Variants in FAM78B observed in about 807,000 individuals in gnomAD.
The protein encoded by FAM78B is family with sequence similarity 78 member B, also known as protein FAM78B.
In FAM78B, 10 loss-of-function variants were observed where a neutral mutation model predicts 20.0. That is an observed-to-expected ratio of 0.50 (90% CI 0.31 to 0.85). The LOEUF (loss-of-function observed/expected upper bound fraction) is 0.85, where lower values mean the gene tolerates loss of function less well. Ranked by LOEUF, FAM78B falls within the 40% of genes least tolerant of loss-of-function variation. The pLI is 0.05. For missense variants in FAM78B, 283 were observed against 345.0 expected, an observed-to-expected ratio of 0.82 and a Z score of 1.42; for synonymous variants, 135 against 132.8, an observed-to-expected ratio of 1.02 and a Z score of -0.12.
intron 1 of FAM78B, among the ~76,000 whole-genome samples, chr1:166,077,662 A>ATATAATTATATATTTATATATAAATT (rs1652333515): frequency 3.9e-5 from 3 of 77,200 alleles, no homozygotes; most frequent in African/African-American, 1.9e-4. Context: ...AATTATAATA[A>ATATAATTATATATTTATATATAAATT]ATACATATAA....
intron 1 of FAM78B, among the ~76,000 whole-genome samples, chr1:166,161,959 G>A (rs1357402771): frequency 6.6e-6 from 1 of 152,150 alleles, no homozygotes; most frequent in African/African-American, 2.4e-5. Context: ...CATTAGGATG[G>A]ATGAAATTAC....
At chr1:166,144,990 C>A (rs555629281) in intron 1 of FAM78B, among the ~76,000 whole-genome samples, 57 of 152,270 alleles carry the variant, frequency 3.7e-4, no homozygotes, top group Non-Finnish European at 3.1e-4. Context: ...CTCACCACCA[C>A]CTACCAGACT....
intron 1 of FAM78B, among the ~76,000 whole-genome samples, chr1:166,097,516 G>A (rs748254039): frequency 2.6e-5 from 4 of 152,120 alleles, no homozygotes; most frequent in African/African-American, 4.8e-5. Flanking sequence ...GGACTGTTGC[G>A]GGGAGCATGG....
In FAM78B at chr1:166,109,824, A is replaced by ATATG. The variant is rs1557903052; in HGVS notation, c.264-39062_264-39061insCATA. Among the ~76,000 whole-genome samples, 8 of 20,000 alleles carry ATATG rather than the reference A, an allele frequency of 4.0e-4. 1 individual carries two copies. The highest frequency in any genetic ancestry group is 1.6e-3 in the African/African-American group (8 of 5,088). The allele number at this position is 20,000 out of a possible 152,430, so 13.1% of individuals were successfully genotyped here. On this transcript the variant is annotated intron_variant, in intron 1 of 1. Coordinates refer to ENST00000354422, the MANE Select transcript of FAM78B (RefSeq NM_001017961.5). Reference sequence around the variant, plus strand: ...TATATATGTATATATGTATATATATATATATATGTATATATGTATATATAT... The same window carrying ATATG: ...TATATATGTATATATGTATATATATATATGTATATATGTATATATGTATATATAT...
At chr1:166,151,998 C>T (rs185322589) in intron 1 of FAM78B, among the ~76,000 whole-genome samples, 2 of 152,172 alleles carry the variant, frequency 1.3e-5, no homozygotes, top group East Asian at 1.9e-4. Flanking sequence ...ATTGTGATTA[C>T]GCAACCCCAC....
rs529874840 is a variant in FAM78B, at chr1:166,060,742, A to G, written c.*410-79T>C. On this transcript the variant is annotated intron_variant and NMD_transcript_variant, in intron 2 of 2. Transcript: ENST00000435676. ...AAGAAATGTCATTCCCTAAAAGCAG[A>G]TGGTCATGATCTGGGCTCCATTAAT... The G allele has an allele frequency of 2.0e-4, 176 of 877,876 alleles. 1 individual carries two copies. The highest frequency in any genetic ancestry group is 2.4e-4 in the Non-Finnish European group (154 of 638,522). 54.4% of individuals were successfully genotyped at this position (877,876 alleles called of 1,614,324 possible).
rs115092360 is a variant in FAM78B at position 166,145,785 on chromosome 1, T to C, written c.263+20201A>G. ...CTTGGTTGGCTGCACATTAAACTGA[T>C]GTTAAATTCACAACCTGAAGGCCAG... On this transcript the variant is annotated intron_variant, in intron 1 of 1. Transcript: ENST00000354422. Among the ~76,000 whole-genome samples, 1,336 of 152,340 alleles carry C rather than the reference T, an allele frequency of 8.8e-3. 18 individuals carry two copies. Among genetic ancestry groups the C allele is most frequent in the African/African-American group, 0.03 (1,259 of 41,580 alleles).
chr1:166,057,972 T>A (rs1435630320), exon 3 of FAM78B: 5 of 146,058 alleles, frequency 3.4e-5, no homozygotes, highest in African/African-American at 1.2e-4. Context: ...TGGGTTTTTT[T>A]TTTTCATTTT....
At chr1:166,079,371 C>A (rs1652475056) in intron 1 of FAM78B, among the ~76,000 whole-genome samples, 1 of 152,176 alleles carries the variant, frequency 6.6e-6, no homozygotes, top group South Asian at 2.1e-4. Context: ...ATATTTCCAG[C>A]CCAAATGTCC....
Position 166,077,837 on chromosome 1 carries a change from TTATA to T in FAM78B, c.264-7078_264-7075del, listed in dbSNP as rs199642620. On this transcript the variant is annotated intron_variant, in intron 1 of 1. Transcript: ENST00000354422. ...TAGATTATATATAAATATATATAAT[TTATA>T]TATATAATAATATATATAATTTATA... Among the ~76,000 whole-genome samples the T allele has an allele frequency of 1.7e-4, 21 of 121,984 alleles. 1 individual carries two copies. The highest frequency in any genetic ancestry group is 2.8e-4 in the African/African-American group (9 of 31,678). 80.0% of individuals were successfully genotyped at this position (121,984 alleles called of 152,430 possible).
intron 1 of FAM78B, among the ~76,000 whole-genome samples, chr1:166,085,939 G>C (rs1322432752): frequency 1.3e-5 from 2 of 152,216 alleles, no homozygotes; most frequent in Non-Finnish European, 2.9e-5. Flanking sequence ...AGACAGGCTA[G>C]AGGCAGGAAT....
chr1:166,095,101 T>C (rs1411927155), intron 1 of FAM78B, among the ~76,000 whole-genome samples: 3 of 152,118 alleles, frequency 2.0e-5, no homozygotes, highest in Non-Finnish European at 4.4e-5. Flanking sequence ...TCCATACCAG[T>C]CCTTGCAGAG....
intron 1 of FAM78B, among the ~76,000 whole-genome samples, chr1:166,140,399 G>C (rs1655235309): frequency 6.6e-6 from 1 of 152,294 alleles, no homozygotes; most frequent in Non-Finnish European, 1.5e-5. Context: ...GATATTGTTG[G>C]GGGCCAGAAA....
intron 1 of FAM78B, among the ~76,000 whole-genome samples, chr1:166,109,860 A>ATATG (rs1653954634): frequency 4.4e-5 from 1 of 22,486 alleles, no homozygotes; most frequent in African/African-American, 1.3e-4. Flanking sequence ...ATATATATAT[A>ATATG]TGTATGTGTA....
chr1:166,114,897 C>T (rs1440705179), intron 1 of FAM78B, among the ~76,000 whole-genome samples: 1 of 152,200 alleles, frequency 6.6e-6, no homozygotes, highest in Non-Finnish European at 1.5e-5. Context: ...TATCCTGGGG[C>T]CTCCTCACTC....
intron 1 of FAM78B, among the ~76,000 whole-genome samples, chr1:166,153,885 C>G (rs1461862673): frequency 6.6e-6 from 1 of 152,200 alleles, no homozygotes; most frequent in Non-Finnish European, 1.5e-5. Flanking sequence ...TGGGGTGTTG[C>G]CTAGACCTGT....
chr1:166,068,861 G>A (rs1054795281), downstream of FAM78B, among the ~76,000 whole-genome samples: 7 of 152,224 alleles, frequency 4.6e-5, no homozygotes, highest in African/African-American at 1.7e-4. Context: ...AGGTGGGGGA[G>A]GAAGGGTGAT....
Position 166,152,663 on chromosome 1 carries a change from T to G in FAM78B, c.263+13323A>C, listed in dbSNP as rs114486203. Among the ~76,000 whole-genome samples, 247 of 139,182 alleles carry G rather than the reference T, an allele frequency of 1.8e-3. 1 individual carries two copies. Among genetic ancestry groups the G allele is most frequent in the South Asian group, 6.2e-3 (29 of 4,658 alleles). The allele number at this position is 139,182 out of a possible 152,430, so 91.3% of individuals were successfully genotyped here. ...AAGTTCTTGGTACTCTGGATTTATT[T>G]ATTTATTTATTTATTTATTTATTTA... On this transcript the variant is annotated intron_variant, in intron 1 of 1. Transcript: ENST00000354422.
chr1:166,079,928 T>C (rs544711186), intron 1 of FAM78B, among the ~76,000 whole-genome samples: 2 of 152,314 alleles, frequency 1.3e-5, no homozygotes, highest in East Asian at 1.9e-4. Context: ...TGTTTTCCTT[T>C]TGTTACGTGT....
Sources: gnomAD v4.1 joint callset for allele counts (sites outside exome capture counted in the v4.1 genomes callset) on GRCh38, gnomAD v4.1.1 for gene constraint, MANE v1.5 for transcripts, NCBI Gene and HGNC (gene_info 2026-07-23, HGNC 2026-07-21) for gene names.